TFEC: variants seen among roughly 807,000 people sequenced by gnomAD.
TFEC encodes the protein transcription factor EC.
TFEC carries 31 observed loss-of-function variants against 41.6 expected under a neutral mutation model. The observed-to-expected ratio is 0.74, with a 90% CI of 0.56 to 1.01. TFEC has a LOEUF of 1.01. Ranked by LOEUF, TFEC falls within the 50% of genes least tolerant of loss-of-function variation. The probability of loss-of-function intolerance (pLI) is 0.00; values close to 1 mark genes in which losing one functional copy is unlikely to be tolerated. For synonymous variants in TFEC, 143 were observed against 140.6 expected (o/e 1.02, Z -0.12); for missense variants, 402 against 404.1 (o/e 0.99, Z 0.04).
chr7:116,139,081 C>CT (rs1798489519), intron 1 of TFEC, among the ~76,000 whole-genome samples: 1 of 152,044 alleles, frequency 6.6e-6, no homozygotes, highest in Admixed American at 6.6e-5. Flanking sequence ...GATTGCTGCA[C>CT]TAGAGGGCTA....
intron 1 of TFEC, among the ~76,000 whole-genome samples, chr7:116,126,311 C>A (rs1326046324): frequency 6.6e-6 from 1 of 151,682 alleles, no homozygotes; most frequent in Non-Finnish European, 1.5e-5. Flanking sequence ...ATGTAAGGGA[C>A]TATCTTAAAA....
intron 1 of TFEC, among the ~76,000 whole-genome samples, chr7:116,027,545 C>T (rs1453392609): frequency 2.0e-5 from 3 of 152,048 alleles, no homozygotes; most frequent in Non-Finnish European, 4.4e-5. Flanking sequence ...TGCAGTGGGT[C>T]CTGATCAAGC....
rs1440461250 is a variant in TFEC at position 116,021,773 on chromosome 7, A to C, written c.-73+8860T>G. Among the ~76,000 whole-genome samples, 3 of 152,174 alleles carry C rather than the reference A, an allele frequency of 2.0e-5. No homozygotes were observed. In the East Asian group the frequency reaches 5.8e-4, roughly 29 times the overall value. On this transcript the variant is annotated intron_variant, in intron 1 of 7. Coordinates refer to ENST00000265440, the MANE Select transcript of TFEC (RefSeq NM_012252.4). ...TTTCTTAACTGGTAATTACTTTTTG[A>C]CTGACTTGAGCAGTCAAGTTCATCA...
chr7:116,061,865 T>C (rs1796564944), intron 3 of TFEC, among the ~76,000 whole-genome samples: 1 of 152,108 alleles, frequency 6.6e-6, no homozygotes, highest in South Asian at 2.1e-4. Flanking sequence ...GGAAATGCAA[T>C]TTAAAACTAC....
chr7:115,998,274 A>G (rs1794447558), intron 1 of TFEC, among the ~76,000 whole-genome samples: 1 of 152,120 alleles, frequency 6.6e-6, no homozygotes, highest in African/African-American at 2.4e-5. Flanking sequence ...ATAGGTTATA[A>G]GATGGTATTT....
chr7:116,156,871 T>A (rs1798879404), intron 1 of TFEC, among the ~76,000 whole-genome samples: 1 of 152,230 alleles, frequency 6.6e-6, no homozygotes, highest in Non-Finnish European at 1.5e-5. Context: ...TCACATCCTG[T>A]GATCAAATAA....
chr7:116,038,049 A>G (rs1459309248), intron 3 of TFEC, among the ~76,000 whole-genome samples: 1 of 152,006 alleles, frequency 6.6e-6, no homozygotes, highest in Non-Finnish European at 1.5e-5. Context: ...GCTCTTTGAG[A>G]AATGGGTAAA....
intron 1 of TFEC, among the ~76,000 whole-genome samples, chr7:116,022,700 C>T (rs774416274): frequency 4.6e-5 from 7 of 152,056 alleles, no homozygotes; most frequent in African/African-American, 7.2e-5. Context: ...GTAATGTATT[C>T]GACTTCTTTT....
chr7:116,035,924 C>T (rs1795898823), intron 3 of TFEC, among the ~76,000 whole-genome samples: 1 of 151,696 alleles, frequency 6.6e-6, no homozygotes, highest in Non-Finnish European at 1.5e-5. Flanking sequence ...AAATGTGGCT[C>T]AGAAAAATAT....
chr7:115,968,155 C>A, intron 3 of TFEC: 1 of 1,517,234 alleles, frequency 6.6e-7, no homozygotes, highest in South Asian at 1.2e-5. Flanking sequence ...TCTCCAAACA[C>A]TGAAAGAATT....
chr7:116,067,463 A>C (rs1003230462), intron 3 of TFEC, among the ~76,000 whole-genome samples: 24 of 152,018 alleles, frequency 1.6e-4, no homozygotes, highest in Non-Finnish European at 3.1e-4. Context: ...TATGAAAAAA[A>C]CCTGTAATCA....
intron 1 of TFEC, among the ~76,000 whole-genome samples, chr7:116,014,767 A>C (rs1795128175): frequency 6.6e-6 from 1 of 152,094 alleles, no homozygotes; most frequent in South Asian, 2.1e-4. Flanking sequence ...ATATAATCTC[A>C]AGGGTTCTTA....
At chr7:115,980,200 C>T (rs773667040) in intron 2 of TFEC, among the ~76,000 whole-genome samples, 2 of 152,170 alleles carry the variant, frequency 1.3e-5, no homozygotes, top group Non-Finnish European at 1.5e-5. Context: ...GCATAAGTCT[C>T]TTGTGAATTC....
intron 1 of TFEC, among the ~76,000 whole-genome samples, chr7:115,991,742 C>T (rs1469805725): frequency 2.0e-5 from 3 of 151,882 alleles, no homozygotes; most frequent in Non-Finnish European, 4.4e-5. Flanking sequence ...ACTTAGACTC[C>T]CACACAATAA....
intron 3 of TFEC, among the ~76,000 whole-genome samples, chr7:116,075,048 A>AGAGAG (rs1491038733): frequency 6.6e-5 from 10 of 152,192 alleles, no homozygotes; most frequent in Admixed American, 1.3e-4. Context: ...TGAGGGTAAT[A>AGAGAG]GAGAGGGACT....
intron 3 of TFEC, among the ~76,000 whole-genome samples, chr7:116,073,101 C>T (rs1199699607): frequency 6.6e-6 from 1 of 151,412 alleles, no homozygotes; most frequent in African/African-American, 2.4e-5. Context: ...TTAAAGAATT[C>T]ACTGGAGAGG....
intron 3 of TFEC, among the ~76,000 whole-genome samples, chr7:115,973,054 A>G (rs990653317): frequency 6.6e-6 from 1 of 151,986 alleles, no homozygotes; most frequent in Admixed American, 6.6e-5. Flanking sequence ...TCTGAAGAGA[A>G]AAAAGGTAGA....
chr7:115,940,301 GA>G lies in TFEC; in HGVS notation c.*249del, dbSNP rs1464226287. The G allele has an allele frequency of 2.6e-6, 1 of 378,254 alleles. No individual in the cohort carries two copies. Among genetic ancestry groups the G allele is most frequent in the Non-Finnish European group, 4.8e-6 (1 of 209,314 alleles). The allele number at this position is 378,254 out of a possible 1,614,324, so 23.4% of individuals were successfully genotyped here. ...TTTCTTATGCTGTACCTCTTTTCAGGAAAACAGAATTTAAGTGGATTTGGAC... is the reference window on the plus strand; with the variant it reads ...TTTCTTATGCTGTACCTCTTTTCAGGAAACAGAATTTAAGTGGATTTGGAC... On this transcript the variant is annotated 3_prime_UTR_variant, in exon 8 of 8. Coordinates refer to ENST00000265440, the MANE Select transcript of TFEC (RefSeq NM_012252.4).
At position 116,087,646 on chromosome 7, in the gene TFEC, C is replaced by T. The variant is rs565386298; in HGVS notation, c.198+23062G>A. 6.6e-5 allele frequency among the ~76,000 whole-genome samples: 10 copies of T among 152,126 alleles called. No homozygotes were observed. In the South Asian group the frequency reaches 1.9e-3, roughly 28 times the overall value. On this transcript the variant is annotated intron_variant, in intron 3 of 8. Coordinates refer to the TFEC transcript ENST00000484212. ...TCCATTGTTCATTGTTTTAACATCA[C>T]CTTTGCCAGGCTAGCAATGGTTTCA...
Sources: allele counts gnomAD v4.1 joint callset (sites outside exome capture counted in the v4.1 genomes callset), GRCh38; gene constraint gnomAD v4.1.1; transcripts MANE v1.5; gene names NCBI Gene and HGNC (gene_info 2026-07-23, HGNC 2026-07-21).